Variants in CDC42EP5 observed in about 807,000 individuals in gnomAD.
CDC42EP5 encodes the protein CDC42 effector protein (Rho GTPase binding) 5.
For synonymous variants in CDC42EP5, 118 were observed against 123.3 expected (o/e 0.96, Z 0.28); for missense variants, 269 against 238.0 (o/e 1.13, Z -0.86).
intron 2 of CDC42EP5, among the ~76,000 whole-genome samples, chr19:54,470,032 C>T (rs1206090968): frequency 6.6e-6 from 1 of 152,104 alleles, no homozygotes; most frequent in Admixed American, 6.6e-5. Flanking sequence ...CTGGCTTCCT[C>T]AACCTAAAGC....
At chr19:54,470,553 AAAG>A (rs911883158) in intron 2 of CDC42EP5, among the ~76,000 whole-genome samples, 5 of 152,140 alleles carry the variant, frequency 3.3e-5, no homozygotes, top group South Asian at 4.1e-4. Context: ...AGAAAGAAAA[AAAG>A]AAGGAAAGAA....
At chr19:54,466,418 G>C (rs1344521369) in intron 2 of CDC42EP5, among the ~76,000 whole-genome samples, 1 of 152,146 alleles carries the variant, frequency 6.6e-6, no homozygotes, top group Non-Finnish European at 1.5e-5. Context: ...ACTCCAGCCT[G>C]GGCAACAGGA....
chr19:54,469,523 AACTT>A (rs1326856387), intron 2 of CDC42EP5, among the ~76,000 whole-genome samples: 1 of 152,204 alleles, frequency 6.6e-6, no homozygotes, highest in Non-Finnish European at 1.5e-5. Context: ...GGCTTTGAGC[AACTT>A]ACTTGACCTT....
chr19:54,472,691 GGCCCCCAGC>G (rs2084861601), intron 1 of CDC42EP5, among the ~76,000 whole-genome samples: 4 of 31,300 alleles, frequency 1.3e-4, no homozygotes, highest in African/African-American at 6.4e-4. Flanking sequence ...CAGGAGTCCA[GGCCCCCAGC>G]CCCTCCTCCC....
Position 54,465,370 on chromosome 19 carries a change from G to A in CDC42EP5, c.178C>T (p.Pro60Ser). 1.3e-5 allele frequency: 15 copies of A among 1,162,834 alleles called. No individual in the cohort carries two copies. Among genetic ancestry groups the A allele is most frequent in the Non-Finnish European group, 1.6e-5 (15 of 943,570 alleles). The allele number at this position is 1,162,834 out of a possible 1,614,324, so 72.0% of individuals were successfully genotyped here. Residue 60 changes from proline to serine, a missense_variant, in exon 3 of 3, where the codon CCC becomes TCC. Transcript: ENST00000301200. ...SRHGGGPPPE[P>S]RAPPAGAPRS... ...GGGGCCCCCGCGGGGGGCGCCCGGG[G>A]CTCGGGGGGCGGCCCGCCGCCGTGG... is the stretch of plus-strand genomic sequence containing the variant.
At chr19:54,465,593 G>C in intron 2 of CDC42EP5, 46 bp from the exon 3 acceptor site, 1 of 1,403,458 alleles carries the variant, frequency 7.1e-7, no homozygotes, top group Non-Finnish European at 9.2e-7. Context: ...CCCGGGGCTC[G>C]CAGCCACGCG....
At chr19:54,470,187 G>A (rs1300229522) in intron 2 of CDC42EP5, among the ~76,000 whole-genome samples, 2 of 151,820 alleles carry the variant, frequency 1.3e-5, no homozygotes, top group African/African-American at 2.4e-5. Flanking sequence ...GCGCAACAAA[G>A]TGAGATGATC....
intron 2 of CDC42EP5, among the ~76,000 whole-genome samples, chr19:54,468,187 C>T (rs751781451): frequency 6.6e-6 from 1 of 152,042 alleles, no homozygotes; most frequent in Non-Finnish European, 1.5e-5. Flanking sequence ...AATTGTGGAA[C>T]AAAAATTAGG....
intron 2 of CDC42EP5, among the ~76,000 whole-genome samples, chr19:54,469,674 C>T (rs1024312761): frequency 3.3e-5 from 5 of 152,254 alleles, no homozygotes; most frequent in South Asian, 2.1e-4. Context: ...GTTCAATTAA[C>T]ATATGCTCAA....
intron 2 of CDC42EP5, among the ~76,000 whole-genome samples, chr19:54,469,915 C>T (rs1024844417): frequency 3.3e-5 from 5 of 151,634 alleles, no homozygotes; most frequent in Admixed American, 1.3e-4. Flanking sequence ...TTGCCCTATC[C>T]GTTGCCACCA....
At position 54,465,226 on chromosome 19, in the gene CDC42EP5, C is replaced by T; in HGVS notation, c.322G>A (p.Asp108Asn). 6.9e-7 allele frequency: 1 copy of T among 1,442,968 alleles called. No homozygotes were observed. Among genetic ancestry groups the T allele is most frequent in the South Asian group, 1.4e-5 (1 of 72,628 alleles). 89.4% of individuals were successfully genotyped at this position (1,442,968 alleles called of 1,614,324 possible). ...GCAGCCGCCTCCGGGCGCGCCGCGTCCATGACGCCCAGCACCGCGTCCAGC... is the reference window on the plus strand; with the variant it reads ...GCAGCCGCCTCCGGGCGCGCCGCGTTCATGACGCCCAGCACCGCGTCCAGC... ...SMLDAVLGVM[D>N]AARPEAAAAK... Residue 108 changes from aspartate to asparagine, a missense_variant, in exon 3 of 3, where the codon GAC becomes AAC. Asp to Asn is a conservative substitution (Grantham distance 23). Coordinates refer to ENST00000301200, the MANE Select transcript of CDC42EP5 (RefSeq NM_145057.4).
At chr19:54,471,272 AG>A (rs1227487038) in intron 2 of CDC42EP5, among the ~76,000 whole-genome samples, 1 of 151,984 alleles carries the variant, frequency 6.6e-6, no homozygotes, top group Non-Finnish European at 1.5e-5. Flanking sequence ...CTCCAGCTGC[AG>A]GGTGGCGGGC....
At chr19:54,467,434 C>G (rs1284640863) in intron 2 of CDC42EP5, among the ~76,000 whole-genome samples, 3 of 150,286 alleles carry the variant, frequency 2.0e-5, no homozygotes, top group Non-Finnish European at 4.4e-5. Context: ...GCCTGGGTGA[C>G]AGAGTATGAC....
At chr19:54,472,424 C>G (rs1355795677) in intron 1 of CDC42EP5, among the ~76,000 whole-genome samples, 1 of 49,868 alleles carries the variant, frequency 2.0e-5, no homozygotes, top group Non-Finnish European at 3.9e-5. Context: ...ACCCAGGAAT[C>G]CAGGCCCCAT....
intron 1 of CDC42EP5, among the ~76,000 whole-genome samples, chr19:54,471,962 C>T (rs1296385551): frequency 1.9e-5 from 1 of 54,020 alleles, no homozygotes; most frequent in African/African-American, 7.5e-5. Context: ...CCCCTCCTCC[C>T]TCAGACCCAG....
rs150464306 is a variant in CDC42EP5 at position 54,467,561 on chromosome 19, C to T, written c.1-2014G>A. On this transcript the variant is annotated intron_variant, in intron 2 of 2. Transcript: ENST00000301200. ...AGGTGCTTTATTGCCCATAGCTGCA[C>T]CAAATTCTTTTTTTTTTTTTTTTGA... Among the ~76,000 whole-genome samples, 188 of 135,948 alleles carry T rather than the reference C, an allele frequency of 1.4e-3. 1 individual carries two copies. Among genetic ancestry groups the T allele is most frequent in the African/African-American group, 4.8e-3 (171 of 35,816 alleles). The allele number at this position is 135,948 out of a possible 152,430, so 89.2% of individuals were successfully genotyped here.
In CDC42EP5 at chr19:54,465,150, C is replaced by A. The variant is rs1176654212; in HGVS notation, c.398G>T (p.Arg133Leu). The A allele has an allele frequency of 1.1e-5, 16 of 1,396,060 alleles. No homozygotes were observed. The highest frequency in any genetic ancestry group is 1.4e-5 in the Non-Finnish European group (15 of 1,082,688). The allele number at this position is 1,396,060 out of a possible 1,614,324, so 86.5% of individuals were successfully genotyped here. Residue 133 changes from arginine (R) to leucine (L), a missense_variant, in exon 3 of 3, where the codon CGC becomes CTC. Arg to Leu is a moderately radical substitution (Grantham distance 102). Coordinates refer to ENST00000301200, the MANE Select transcript of CDC42EP5 (RefSeq NM_145057.4). ...CTCGAGGTCCGCGTTGGGGCGGCAG[C>A]GGGCCTGGGGGGGCTGCGTCCCGGG... is the stretch of plus-strand genomic sequence containing the variant. Reference protein sequence around the residue: ...PRPGTQPPQARCRPNADLELN... With the variant: ...PRPGTQPPQALCRPNADLELN...
chr19:54,471,752 G>A (rs2084839581), intron 1 of CDC42EP5, 67 bp from the exon 2 acceptor site: 1 of 156,048 alleles, frequency 6.4e-6, no homozygotes, highest in East Asian at 1.8e-4. Flanking sequence ...GGTCCGTAGA[G>A]CCACCTCCTC....
intron 2 of CDC42EP5, among the ~76,000 whole-genome samples, chr19:54,467,446 CTG>C (rs1216699406): frequency 6.6e-6 from 1 of 150,452 alleles, no homozygotes; most frequent in East Asian, 2.0e-4. Flanking sequence ...GAGTATGACT[CTG>C]TCTCAAAAAA....
Sources: gnomAD v4.1 joint callset for allele counts (sites outside exome capture counted in the v4.1 genomes callset) on GRCh38, gnomAD v4.1.1 for gene constraint, MANE v1.5 for transcripts, NCBI Gene and HGNC (gene_info 2026-07-23, HGNC 2026-07-21) for gene names.